The following SLC12A6 variants were observed in gnomAD, a reference collection of about 807,000 sequenced individuals.
SLC12A6 encodes the protein solute carrier family 12 member 6, also known as K-Cl cotransporter 3.
A neutral mutation model predicts 135.3 loss-of-function variants in SLC12A6; 66 were observed. That is an observed-to-expected ratio of 0.49 (90% CI 0.40 to 0.60). The LOEUF (loss-of-function observed/expected upper bound fraction) is 0.60, where lower values mean the gene tolerates loss of function less well. Among genes scored for constraint, SLC12A6 ranks in the 20% least tolerant of loss-of-function variants. The probability of loss-of-function intolerance (pLI) is 0.00; values close to 1 mark genes in which losing one functional copy is unlikely to be tolerated. For missense variants in SLC12A6, 1,058 were observed against 1,452.3 expected (o/e 0.73, Z 4.41); for synonymous variants, 513 against 508.8 (o/e 1.01, Z -0.11).
rs1221273732 is a variant in SLC12A6, at chr15:34,233,730, G to A, written c.*151C>T. On this transcript the variant is annotated 3_prime_UTR_variant, in exon 26 of 26. Transcript: ENST00000354181. Reference sequence around the variant, plus strand: ...GATCAGATGGGAGCTCTTTTACACAGGTACTTGAGGCTCAGCTCATCAAGA... The same window carrying A: ...GATCAGATGGGAGCTCTTTTACACAAGTACTTGAGGCTCAGCTCATCAAGA... 2 of 690,024 alleles carry A rather than the reference G, an allele frequency of 2.9e-6. No homozygotes were observed. Among genetic ancestry groups the A allele is most frequent in the African/African-American group, 3.5e-5 (2 of 56,574 alleles). 42.7% of individuals were successfully genotyped at this position (690,024 alleles called of 1,614,324 possible).
chr15:34,242,196 T>TA lies in SLC12A6; in HGVS notation c.2067dup (p.Ile690TyrfsTer29). The TA allele has an allele frequency of 6.2e-7, 1 of 1,600,456 alleles. No homozygotes were observed. The highest frequency in any genetic ancestry group is 8.6e-7 in the Non-Finnish European group (1 of 1,167,842). ...GAAATGAACATCAGAGCCAGACAGA[T>TA]ACTCATTCCCATGAAAGAAAGGGCC... On this transcript the variant is annotated frameshift_variant, in exon 17 of 26. Transcript: ENST00000354181. LOFTEE classifies it high-confidence loss of function.
chr15:34,256,875 T>C (rs888584631), intron 6 of SLC12A6, among the ~76,000 whole-genome samples: 6 of 152,122 alleles, frequency 3.9e-5, no homozygotes, highest in South Asian at 2.1e-4. Context: ...TTTCAGAGAA[T>C]AGATTAGCGT....
In SLC12A6 at chr15:34,289,024, G is replaced by A. The variant is rs571233391; in HGVS notation, c.272-13635C>T. Among the ~76,000 whole-genome samples the A allele has an allele frequency of 1.7e-3, 256 of 152,282 alleles. 1 individual carries two copies. Among genetic ancestry groups the A allele is most frequent in the African/African-American group, 5.9e-3 (245 of 41,542 alleles). ...TGGCCAGAACTTTCAACACTATGTT[G>A]AATAGGAGTGGTGAGAGAGGGCATC... On this transcript the variant is annotated intron_variant, in intron 2 of 25. Coordinates refer to ENST00000354181, the MANE Select transcript of SLC12A6 (RefSeq NM_001365088.1).
rs893773887 is a variant in SLC12A6, at chr15:34,326,951, G to A, written c.271+9459C>T. ...TATGTCTTAATAAATGTTTCAATAGGGCCAACTATTATTAGCATACCAGAG... is the reference window on the plus strand; with the variant it reads ...TATGTCTTAATAAATGTTTCAATAGAGCCAACTATTATTAGCATACCAGAG... On this transcript the variant is annotated intron_variant, in intron 2 of 25. Transcript: ENST00000354181. Among the ~76,000 whole-genome samples, 4 of 146,186 alleles carry A rather than the reference G, an allele frequency of 2.7e-5. No homozygotes were observed. The East Asian group carries it at 6.0e-4, about 22-fold the overall frequency.
At chr15:34,316,596 T>G (rs889888103) in intron 2 of SLC12A6, among the ~76,000 whole-genome samples, 6 of 152,190 alleles carry the variant, frequency 3.9e-5, no homozygotes, top group African/African-American at 1.4e-4. Flanking sequence ...CTTATTAAAC[T>G]CAATTTAGAT....
chr15:34,242,299 T>A, intron 16 of SLC12A6, 78 bp from the exon 17 acceptor site: 1 of 1,022,526 alleles, frequency 9.8e-7, no homozygotes, highest in South Asian at 1.3e-5. Flanking sequence ...TCTCAAACTA[T>A]CTGTGGTGAG....
intron 2 of SLC12A6, among the ~76,000 whole-genome samples, chr15:34,333,232 CTTT>C (rs572611561): frequency 2.2e-5 from 3 of 133,470 alleles, no homozygotes; most frequent in Non-Finnish European, 3.2e-5. Context: ...TTTTCTTTTT[CTTT>C]TTTTTTTTTT....
At chr15:34,256,647 A>G (rs145277929) in intron 6 of SLC12A6, among the ~76,000 whole-genome samples, 23 of 152,352 alleles carry the variant, frequency 1.5e-4, no homozygotes, top group African/African-American at 5.0e-4. Context: ...TAAATACAAT[A>G]TCAAGAACAA....
chr15:34,264,004 GA>G (rs576181885), intron 3 of SLC12A6, among the ~76,000 whole-genome samples: 13,152 of 145,650 alleles, frequency 0.09, 731 homozygotes, highest in African/African-American at 0.17. Flanking sequence ...TTAATAAATA[GA>G]AAAAAAAAAA....
intron 13 of SLC12A6, among the ~76,000 whole-genome samples, chr15:34,248,562 CCCCA>C (rs763937251): frequency 3.4e-5 from 3 of 88,612 alleles, no homozygotes; most frequent in African/African-American, 1.1e-4. Context: ...ATATATACAC[CCCCA>C]CCCACACACA....
In SLC12A6 at chr15:34,250,784, A is replaced by T. The variant is rs1452572203; in HGVS notation, c.1493-55T>A. ...TAACTTCTTGGACACTTTGATATTG[A>T]TACTGATAGCAAAGAGTAGAAGCAA... On this transcript the variant is annotated intron_variant, in intron 11 of 25. Transcript: ENST00000354181. 52 of 1,344,302 alleles carry T rather than the reference A, an allele frequency of 3.9e-5. 1 individual carries two copies. The East Asian group carries it at 1.1e-3, about 29-fold the overall frequency. 83.3% of individuals were successfully genotyped at this position (1,344,302 alleles called of 1,614,324 possible). A position where few individuals can be genotyped will look rare whatever the true frequency, so the allele number is the denominator to read the frequency against.
chr15:34,269,372 G>A (rs1425054134), intron 3 of SLC12A6, among the ~76,000 whole-genome samples: 1 of 151,842 alleles, frequency 6.6e-6, no homozygotes, highest in Non-Finnish European at 1.5e-5. Flanking sequence ...TTACTGTTGT[G>A]ATGTTATTAC....
intron 2 of SLC12A6, among the ~76,000 whole-genome samples, chr15:34,287,917 G>A (rs569606953): frequency 3.7e-4 from 56 of 152,152 alleles, no homozygotes; most frequent in African/African-American, 1.2e-3. Flanking sequence ...ATTTTCTCCC[G>A]TTCTGTAGGT....
Position 34,301,659 on chromosome 15 carries a change from C to A in SLC12A6, c.272-26270G>T, listed in dbSNP as rs554578638. Among the ~76,000 whole-genome samples the A allele has an allele frequency of 1.8e-4, 28 of 152,328 alleles. No homozygotes were observed. In the East Asian group the frequency reaches 5.2e-3, roughly 28 times the overall value. ...ATTGTATGTGAATTTACTTAGCAAT[C>A]GTCTCTTTGATCCATCTGACTTATT... On this transcript the variant is annotated intron_variant, in intron 2 of 25. Coordinates refer to ENST00000354181, the MANE Select transcript of SLC12A6 (RefSeq NM_001365088.1).
chr15:34,249,249 G>A (rs1892218388), intron 13 of SLC12A6, among the ~76,000 whole-genome samples: 1 of 152,096 alleles, frequency 6.6e-6, no homozygotes, highest in African/African-American at 2.4e-5. Context: ...GTGTAGTATG[G>A]GAAATTTTAA....
At position 34,237,455 on chromosome 15, in the gene SLC12A6, G is replaced by C; in HGVS notation, c.2898C>G (p.His966Gln). The C allele has an allele frequency of 6.2e-7, 1 of 1,613,184 alleles. No homozygotes were observed. Among genetic ancestry groups the C allele is most frequent in the Middle Eastern group, 1.6e-4 (1 of 6,062 alleles). ...MKKDLATFLY[H>Q]LRIEAEVEVV... ...CTTCTACCTCCGCCTCAATGCGTAA[G>C]TGATATAGGAAGGTGGCTAGGTCCT... Residue 966 changes from histidine to glutamine, a missense_variant, in exon 22 of 26, where the codon CAC (histidine) becomes CAG (glutamine). Around this residue, in one of 6 missense-constraint regions of SLC12A6, gnomAD observed 245 missense variants for 440.8 expected, o/e 0.56. Transcript: ENST00000354181.
chr15:34,336,501 C>T lies in SLC12A6; in HGVS notation c.180G>A (p.Met60Ile). 2 of 1,613,906 alleles carry T rather than the reference C, an allele frequency of 1.2e-6. No homozygotes were observed. The highest frequency in any genetic ancestry group is 1.7e-6 in the Non-Finnish European group (2 of 1,179,842). Reference sequence around the variant, plus strand: ...AAGTGGTGGCCCCAGACATCTCACTCATAGGCTCACTCCGGCTTGTTTCAG... The same window carrying T: ...AAGTGGTGGCCCCAGACATCTCACTTATAGGCTCACTCCGGCTTGTTTCAG... ...SVPETSRSEP[M>I]SEMSGATTSL... is the part of the protein sequence containing the mutation. Residue 60 changes from methionine to isoleucine, a missense_variant, in exon 2 of 26, where the codon ATG (methionine) becomes ATA (isoleucine). Met to Ile is a conservative substitution (Grantham distance 10). Around this residue, in one of 6 missense-constraint regions of SLC12A6, gnomAD observed 176 missense variants for 168.9 expected, o/e 1.04. Transcript: ENST00000354181.
At position 34,258,840 on chromosome 15, in the gene SLC12A6, G is replaced by T; in HGVS notation, c.516C>A (p.Ile172=). ...GAKEHEEAEN[I]TEGKKKPTKT... ...TGGTGGGCTTCTTTTTCCCTTCAGT[G>T]ATGTTTTCTGCCTCTTCATGTTCCT... is the stretch of plus-strand genomic sequence containing the variant. Residue 172 remains isoleucine, a synonymous_variant, in exon 5 of 26, where the codon ATC becomes ATA. Transcript: ENST00000354181. 1 of 1,613,548 alleles carries T rather than the reference G, an allele frequency of 6.2e-7. No homozygotes were observed. Among genetic ancestry groups the T allele is most frequent in the Non-Finnish European group, 8.5e-7 (1 of 1,179,526 alleles).
At chr15:34,241,070 T>C in intron 18 of SLC12A6, 163 bp downstream of exon 18, 1 of 663,350 alleles carries the variant, frequency 1.5e-6, no homozygotes, top group East Asian at 2.7e-5. Flanking sequence ...ATAAACGACA[T>C]GAAGAAAAGG....
Sources: allele counts gnomAD v4.1 joint callset (sites outside exome capture counted in the v4.1 genomes callset), GRCh38; gene constraint gnomAD v4.1.1; regional missense constraint gnomAD v4.1.1; transcripts MANE v1.5; gene names NCBI Gene and HGNC (gene_info 2026-07-23, HGNC 2026-07-21).